The following FBXL17 variants were observed in gnomAD, a reference collection of about 807,000 sequenced individuals.
FBXL17 encodes the protein F-box/LRR-repeat protein 17.
FBXL17 carries 22 observed loss-of-function variants against 66.2 expected under a neutral mutation model. That is an observed-to-expected ratio of 0.33 (90% CI 0.24 to 0.47). The LOEUF is 0.47. Ranked by LOEUF, FBXL17 falls within the 20% of genes least tolerant of loss-of-function variation. The pLI is 1.00. For synonymous variants in FBXL17, 474 were observed against 400.5 expected (o/e 1.18, Z -2.19); for missense variants, 878 against 948.2 (o/e 0.93, Z 0.97).
intron 8 of FBXL17, among the ~76,000 whole-genome samples, chr5:107,868,701 G>C (rs979040901): frequency 6.6e-6 from 1 of 152,242 alleles, no homozygotes; most frequent in Admixed American, 6.5e-5. Flanking sequence ...GCTTTCTAGG[G>C]AAGTGCAGGT....
intron 6 of FBXL17, among the ~76,000 whole-genome samples, chr5:108,090,724 T>C (rs1460588628): frequency 6.6e-6 from 1 of 152,200 alleles, no homozygotes; most frequent in Non-Finnish European, 1.5e-5. Context: ...AATATAAAAG[T>C]CAGTTTTAGC....
intron 7 of FBXL17, among the ~76,000 whole-genome samples, chr5:107,983,125 G>C (rs1752885975): frequency 6.6e-6 from 1 of 151,788 alleles, no homozygotes; most frequent in African/African-American, 2.4e-5. Flanking sequence ...ACTTTTCTTT[G>C]ATGCTATTTG....
intron 6 of FBXL17, among the ~76,000 whole-genome samples, chr5:108,124,088 A>G (rs192092625): frequency 6.6e-6 from 1 of 152,254 alleles, no homozygotes; most frequent in East Asian, 1.9e-4. Context: ...AAATAAGAGA[A>G]GCATATTTAC....
chr5:107,985,073 C>T (rs1306023673), intron 7 of FBXL17, among the ~76,000 whole-genome samples: 1 of 152,088 alleles, frequency 6.6e-6, no homozygotes, highest in African/African-American at 2.4e-5. Context: ...TTTTTAAACC[C>T]ATGGCTAGTT....
chr5:108,256,845 AT>A lies in FBXL17; in HGVS notation c.1507-32618del, dbSNP rs938856238. Among the ~76,000 whole-genome samples, 59 of 143,752 alleles carry A rather than the reference AT, an allele frequency of 4.1e-4. 1 individual carries two copies. The South Asian group carries it at 4.2e-3, about 10-fold the overall frequency. 94.3% of individuals were successfully genotyped at this position (143,752 alleles called of 152,430 possible). ...TTGTTTACCTGAGGTAAATAAGTGT[AT>A]TTTTTTTTGTTTCTGTTCTGTGTTT... is the stretch of plus-strand genomic sequence containing the variant. On this transcript the variant is annotated intron_variant, in intron 4 of 8. Transcript: ENST00000542267.
At chr5:108,220,981 A>AT (rs1320555748) in intron 5 of FBXL17, among the ~76,000 whole-genome samples, 2 of 152,186 alleles carry the variant, frequency 1.3e-5, no homozygotes, top group African/African-American at 2.4e-5. Context: ...TGCTTCCTAA[A>AT]TATAGACCTC....
chr5:108,032,000 TAACA>T (rs577169236), intron 6 of FBXL17, among the ~76,000 whole-genome samples: 88 of 152,320 alleles, frequency 5.8e-4, no homozygotes, highest in South Asian at 1.7e-3. Flanking sequence ...TTTAGTCATT[TAACA>T]AACATTTGCT....
Position 107,943,155 on chromosome 5 carries a change from T to C in FBXL17, c.1823-61976A>G, listed in dbSNP as rs528139608. On this transcript the variant is annotated intron_variant, in intron 7 of 8. Transcript: ENST00000542267. ...GACTCCCACTACACAACACTTCCTG[T>C]ATCCTGCAGACTTCAATCAACTCTA... Among the ~76,000 whole-genome samples, 11 of 152,306 alleles carry C rather than the reference T, an allele frequency of 7.2e-5. No homozygotes were observed. In the East Asian group the frequency reaches 1.9e-3, roughly 27 times the overall value.
rs1250618883 is a variant in FBXL17 at position 108,151,125 on chromosome 5, C to CT, written c.1745+34991dup. ...CTGAAGTACTCAGTATAAAGAGTCT[C>CT]TTTTTTTCCCTAAATCTTTAGAACT... On this transcript the variant is annotated intron_variant, in intron 6 of 8. Coordinates refer to ENST00000542267, the MANE Select transcript of FBXL17 (RefSeq NM_001163315.3). 3.3e-5 allele frequency among the ~76,000 whole-genome samples: 5 copies of CT among 152,094 alleles called. No homozygotes were observed. The East Asian group carries it at 5.8e-4, about 18-fold the overall frequency.
At chr5:108,312,828 C>T (rs375436394) in intron 4 of FBXL17, among the ~76,000 whole-genome samples, 4 of 151,832 alleles carry the variant, frequency 2.6e-5, no homozygotes, top group Non-Finnish European at 4.4e-5. Flanking sequence ...ACTCCAATAC[C>T]GATAATTTCT....
At chr5:108,092,394 C>G (rs1027752777) in intron 6 of FBXL17, among the ~76,000 whole-genome samples, 2 of 152,112 alleles carry the variant, frequency 1.3e-5, no homozygotes, top group Admixed American at 6.5e-5. Flanking sequence ...GCCTGGACTT[C>G]CTGGGCTCAG....
At chr5:108,192,700 G>A (rs1753516162) in intron 5 of FBXL17, among the ~76,000 whole-genome samples, 1 of 152,106 alleles carries the variant, frequency 6.6e-6, no homozygotes, top group Admixed American at 6.6e-5. Flanking sequence ...GCAGAGGCAG[G>A]TGAATCGCTT....
chr5:107,914,334 A>ATTTT (rs1750055200), intron 7 of FBXL17, among the ~76,000 whole-genome samples: 1 of 152,162 alleles, frequency 6.6e-6, no homozygotes. Flanking sequence ...AAATACCCAA[A>ATTTT]TTATGAGTTC....
At position 108,087,650 on chromosome 5, in the gene FBXL17, ATC is replaced by A. The variant is rs1394911670; in HGVS notation, c.1746-66651_1746-66650del. Among the ~76,000 whole-genome samples the A allele has an allele frequency of 3.9e-5, 6 of 152,232 alleles. No homozygotes were observed. The East Asian group carries it at 1.2e-3, about 29-fold the overall frequency. On this transcript the variant is annotated intron_variant, in intron 6 of 8. Coordinates refer to ENST00000542267, the MANE Select transcript of FBXL17 (RefSeq NM_001163315.3). ...CCAAAGAATCCAACAGTAACAAAACATCTCTGTCCTTTTTCATATTATAACAC... is the reference window on the plus strand; with the variant it reads ...CCAAAGAATCCAACAGTAACAAAACATCTGTCCTTTTTCATATTATAACAC...
chr5:108,280,065 A>T (rs1373563315), intron 4 of FBXL17, among the ~76,000 whole-genome samples: 7 of 152,158 alleles, frequency 4.6e-5, no homozygotes, highest in Non-Finnish European at 1.0e-4. Context: ...TGAAGTAATA[A>T]TTGAAAACTT....
chr5:108,109,074 C>T (rs1368674654), intron 6 of FBXL17, among the ~76,000 whole-genome samples: 4 of 151,946 alleles, frequency 2.6e-5, no homozygotes, highest in African/African-American at 9.7e-5. Context: ...TGAGCCACTG[C>T]GCCCAGCCAA....
intron 6 of FBXL17, among the ~76,000 whole-genome samples, chr5:108,077,307 G>C (rs1440707120): frequency 6.6e-6 from 1 of 152,188 alleles, no homozygotes; most frequent in East Asian, 1.9e-4. Context: ...TTGCAAATAA[G>C]TTAATCCTAC....
intron 6 of FBXL17, among the ~76,000 whole-genome samples, chr5:108,047,125 C>T (rs577743659): frequency 4.9e-4 from 75 of 152,312 alleles, no homozygotes; most frequent in African/African-American, 1.7e-3. Context: ...TATCAAGGTT[C>T]TTTCAACAGA....
intron 7 of FBXL17, among the ~76,000 whole-genome samples, chr5:107,895,283 TG>T (rs539296435): frequency 1.2e-3 from 179 of 152,210 alleles, no homozygotes; most frequent in Middle Eastern, 3.4e-3. Context: ...CCCTCATGCC[TG>T]GGAAGGAACA....
Sources: gnomAD v4.1 joint callset for allele counts (sites outside exome capture counted in the v4.1 genomes callset) on GRCh38, gnomAD v4.1.1 for gene constraint, MANE v1.5 for transcripts, NCBI Gene and HGNC (gene_info 2026-07-23, HGNC 2026-07-21) for gene names.